Variants in C7 observed in about 807,000 individuals in gnomAD.
C7 encodes complement component C7.
In C7, 83 loss-of-function variants were observed where a neutral mutation model predicts 104.8. The ratio of observed to expected loss-of-function variants is 0.79; its 90% CI spans 0.66 to 0.95. C7 has a LOEUF of 0.95. C7 is among the 40% of genes least tolerant of loss of function. C7 has a pLI of 0.00. For missense variants in C7, 1,070 were observed against 1,011.2 expected (o/e 1.06, Z -0.79); for synonymous variants, 415 against 360.6 (o/e 1.15, Z -1.71).
chr5:40,957,944 G>T, intron 10 of C7, 89 bp from the exon 11 acceptor site: 19 of 808,906 alleles, frequency 2.3e-5, no homozygotes, highest in African/African-American at 3.5e-5. Context: ...TTTTGATTTT[G>T]TTTTAATGAG....
At chr5:40,962,529 T>C (rs1740444735) in intron 13 of C7, among the ~76,000 whole-genome samples, 1 of 144,756 alleles carries the variant, frequency 6.9e-6, no homozygotes, top group African/African-American at 2.8e-5. Context: ...TGCCACTGAC[T>C]TTTTTTTTTC....
chr5:40,981,771 T>G lies in C7; in HGVS notation c.*198T>G, dbSNP rs994406229. On this transcript the variant is annotated 3_prime_UTR_variant, in exon 18 of 18. Transcript: ENST00000313164. ...TCGAATTACTCTTTTGCCTCCTTTT[T>G]AATGTCAGTAAGGATATGAGCCTTT... 1.8e-5 allele frequency: 9 copies of G among 500,688 alleles called. No individual in the cohort carries two copies. Among genetic ancestry groups the G allele is most frequent in the African/African-American group, 1.7e-4 (9 of 52,368 alleles). 31.0% of individuals were successfully genotyped at this position (500,688 alleles called of 1,614,324 possible).
intron 16 of C7, among the ~76,000 whole-genome samples, chr5:40,978,140 GAAAAAA>G (rs869311131): frequency 9.3e-6 from 1 of 107,634 alleles, no homozygotes; most frequent in Non-Finnish European, 1.9e-5. Flanking sequence ...ATCTCAAAAA[GAAAAAA>G]AAAAAAAAAA....
intron 1 of C7, among the ~76,000 whole-genome samples, chr5:40,909,823 T>TA (rs546418997): frequency 2.0e-4 from 30 of 152,298 alleles, no homozygotes; most frequent in Non-Finnish European, 4.0e-4. Flanking sequence ...TCAGCCAAAG[T>TA]GAATTCCTTT....
chr5:40,956,860 T>G (rs1740300373), intron 10 of C7, among the ~76,000 whole-genome samples: 1 of 152,220 alleles, frequency 6.6e-6, no homozygotes, highest in African/African-American at 2.4e-5. Context: ...TGGCCTGTAT[T>G]CATTGTCAGC....
chr5:40,934,721 G>A (rs1739778242), intron 4 of C7, among the ~76,000 whole-genome samples: 1 of 152,140 alleles, frequency 6.6e-6, no homozygotes, highest in South Asian at 2.1e-4. Flanking sequence ...GTTACTGACA[G>A]ACCCAAAAAG....
intron 1 of C7, among the ~76,000 whole-genome samples, chr5:40,917,099 C>T (rs1409316888): frequency 6.7e-6 from 1 of 148,858 alleles, no homozygotes; most frequent in Non-Finnish European, 1.5e-5. Context: ...TGTGCCAATG[C>T]ACTCCAGCCT....
At chr5:40,933,677 T>A (rs1220793192) in intron 3 of C7, among the ~76,000 whole-genome samples, 1 of 152,172 alleles carries the variant, frequency 6.6e-6, no homozygotes, top group Non-Finnish European at 1.5e-5. Flanking sequence ...CTCTGAATTG[T>A]TTTTGCTTGC....
At chr5:40,914,906 C>T (rs997783850) in intron 1 of C7, among the ~76,000 whole-genome samples, 5 of 152,042 alleles carry the variant, frequency 3.3e-5, no homozygotes, top group African/African-American at 7.3e-5. Context: ...TGGCAGGACA[C>T]GGATGTGTGC....
At position 40,930,533 on chromosome 5, in the gene C7, C is replaced by T. The variant is rs1428381864; in HGVS notation, c.63-531C>T. Among the ~76,000 whole-genome samples the T allele has an allele frequency of 4.6e-5, 7 of 151,298 alleles. No individual in the cohort carries two copies. The South Asian group carries it at 8.4e-4, about 18-fold the overall frequency. Reference sequence around the variant, plus strand: ...TGACCTACCTCTTTTATTATTTCTACAATTCTAGTGTCTTTAGAACCTGGT... The same window carrying T: ...TGACCTACCTCTTTTATTATTTCTATAATTCTAGTGTCTTTAGAACCTGGT... On this transcript the variant is annotated intron_variant, in intron 2 of 17. Coordinates refer to ENST00000313164, the MANE Select transcript of C7 (RefSeq NM_000587.4).
intron 1 of C7, among the ~76,000 whole-genome samples, chr5:40,911,657 A>G (rs1377498835): frequency 1.3e-5 from 2 of 152,144 alleles, no homozygotes; most frequent in Admixed American, 1.3e-4. Flanking sequence ...GATGATAAAG[A>G]GGAGAAGATA....
rs554080757 is a variant in C7, at chr5:40,957,795, T to A, written c.1261-238T>A. 2.0e-5 allele frequency among the ~76,000 whole-genome samples: 3 copies of A among 150,326 alleles called. 1 individual carries two copies. Among genetic ancestry groups the A allele is most frequent in the African/African-American group, 7.4e-5 (3 of 40,440 alleles). Reference sequence around the variant, plus strand: ...TTTTTTTTTTTTTAAATCTTACGCATGCACAGAAGATATATAAAAAATTCC... The same window carrying A: ...TTTTTTTTTTTTTAAATCTTACGCAAGCACAGAAGATATATAAAAAATTCC... On this transcript the variant is annotated intron_variant, in intron 10 of 17. Coordinates refer to ENST00000313164, the MANE Select transcript of C7 (RefSeq NM_000587.4).
chr5:40,946,319 T>C (rs921088814), intron 7 of C7, among the ~76,000 whole-genome samples: 1 of 152,190 alleles, frequency 6.6e-6, no homozygotes, highest in Non-Finnish European at 1.5e-5. Flanking sequence ...GCTGAATAAT[T>C]TTTTTAGGCT....
intron 16 of C7, among the ~76,000 whole-genome samples, chr5:40,979,305 G>A (rs1442315709): frequency 6.6e-6 from 1 of 152,038 alleles, no homozygotes; most frequent in Non-Finnish European, 1.5e-5. Flanking sequence ...TGAACTCTTG[G>A]CTGTTGGGCT....
intron 1 of C7, among the ~76,000 whole-genome samples, chr5:40,920,767 G>A (rs1030738870): frequency 2.0e-5 from 3 of 152,118 alleles, no homozygotes; most frequent in Non-Finnish European, 4.4e-5. Flanking sequence ...AAAAAATGTA[G>A]GCTGGGCATG....
chr5:40,916,715 TA>T (rs542556625), intron 1 of C7, among the ~76,000 whole-genome samples: 1 of 151,502 alleles, frequency 6.6e-6, no homozygotes, highest in African/African-American at 2.4e-5. Flanking sequence ...ATTTTTTTTT[TA>T]AAAAAGCATT....
intron 6 of C7, among the ~76,000 whole-genome samples, chr5:40,940,056 G>C (rs1306637465): frequency 5.3e-5 from 8 of 152,212 alleles, no homozygotes; most frequent in Admixed American, 2.0e-4. Context: ...CTAAACTCAG[G>C]TGTGGACGCG....
rs374734263 is a variant in C7, at chr5:40,936,335, C to T, written c.281-3C>T. 4.3e-5 allele frequency: 70 copies of T among 1,612,840 alleles called. No homozygotes were observed. The African/African-American group carries it at 9.1e-4, about 21-fold the overall frequency. On this transcript the variant is annotated splice_region_variant and splice_polypyrimidine_tract_variant and intron_variant, in intron 4 of 17. Coordinates refer to ENST00000313164, the MANE Select transcript of C7 (RefSeq NM_000587.4). ...TTTGCACGTGGATTTCTCTGGTGTT[C>T]AGGTCAGTGCATCAGCAAATCATTG...
chr5:40,973,121 A>T (rs1332500819), intron 15 of C7, among the ~76,000 whole-genome samples: 3 of 152,208 alleles, frequency 2.0e-5, no homozygotes, highest in Admixed American at 6.5e-5. Context: ...AATTGTTCTT[A>T]ATGTGGAAAC....
Sources: gnomAD v4.1 joint callset for allele counts (sites outside exome capture counted in the v4.1 genomes callset) on GRCh38, gnomAD v4.1.1 for gene constraint, MANE v1.5 for transcripts, NCBI Gene and HGNC (gene_info 2026-07-23, HGNC 2026-07-21) for gene names.